Variants in ADGRL3 observed in about 807,000 individuals in gnomAD.
The protein encoded by ADGRL3 is calcium-independent alpha-latrotoxin receptor 3.
Under a neutral mutation model 153.5 loss-of-function variants are expected in ADGRL3, and 62 were observed. The ratio of observed to expected loss-of-function variants is 0.40; its 90% confidence interval spans 0.33 to 0.50. ADGRL3 has a LOEUF of 0.50. Among genes scored for constraint, ADGRL3 ranks in the 20% least tolerant of loss-of-function variants. The pLI is 0.47. For synonymous variants in ADGRL3, 710 were observed against 672.5 expected, an observed-to-expected ratio of 1.06 and a Z score of -0.86; for missense variants, 1,641 against 1,859.4, an observed-to-expected ratio of 0.88 and a Z score of 2.16.
chr4:62,002,663 A>G (rs928485377), intron 21 of ADGRL3, among the ~76,000 whole-genome samples: 1 of 151,980 alleles, frequency 6.6e-6, no homozygotes, highest in African/African-American at 2.4e-5. Flanking sequence ...AAATTAAATA[A>G]TACATGCCTG....
chr4:61,632,470 T>G (rs2093225184), intron 5 of ADGRL3, among the ~76,000 whole-genome samples: 1 of 152,130 alleles, frequency 6.6e-6, no homozygotes, highest in Admixed American at 6.5e-5. Flanking sequence ...TACTTTCATT[T>G]TTTCTTCCCC....
chr4:61,350,320 C>T (rs2096014749), intron 1 of ADGRL3, among the ~76,000 whole-genome samples: 1 of 148,272 alleles, frequency 6.7e-6, no homozygotes, highest in East Asian at 2.0e-4. Context: ...AAACGTATGC[C>T]TCCCAAAAAC....
intron 6 of ADGRL3, among the ~76,000 whole-genome samples, chr4:61,712,438 T>G (rs2096013672): frequency 6.6e-6 from 1 of 152,020 alleles, no homozygotes; most frequent in Non-Finnish European, 1.5e-5. Flanking sequence ...AATCTACAAA[T>G]GTGAATTGAA....
At chr4:61,718,318 A>G (rs1011964039) in intron 6 of ADGRL3, among the ~76,000 whole-genome samples, 1 of 152,162 alleles carries the variant, frequency 6.6e-6, no homozygotes, top group Non-Finnish European at 1.5e-5. Flanking sequence ...AGCACCTGAG[A>G]TAGAAAACCC....
chr4:61,917,692 G>T (rs951519617), intron 13 of ADGRL3, among the ~76,000 whole-genome samples: 1 of 147,772 alleles, frequency 6.8e-6, no homozygotes, highest in African/African-American at 2.7e-5. Flanking sequence ...ATGGGATGGG[G>T]GGCAAGAAAG....
In ADGRL3 at chr4:61,587,285, C is replaced by T; in HGVS notation, c.318C>T (p.Ser106=). Residue 106 remains serine (S), a synonymous_variant, in exon 5 of 27, where the codon AGC becomes AGT. Transcript: ENST00000683033. Reference sequence around the variant, plus strand: ...TCCGCAGAGAGCTATCCTGTGAGAGCTATCCTATAGAGCTTCGCTGTCCAG... The same window carrying T: ...TCCGCAGAGAGCTATCCTGTGAGAGTTATCCTATAGAGCTTCGCTGTCCAG... ...AVVRRELSCE[S]YPIELRCPGT... 6.2e-7 allele frequency: 1 copy of T among 1,610,966 alleles called. No homozygotes were observed. The highest frequency in any genetic ancestry group is 8.5e-7 in the Non-Finnish European group (1 of 1,178,430).
At chr4:61,986,713 A>T (rs894546496) in intron 19 of ADGRL3, among the ~76,000 whole-genome samples, 1 of 152,200 alleles carries the variant, frequency 6.6e-6, no homozygotes, top group Non-Finnish European at 1.5e-5. Flanking sequence ...GATAGGGAAA[A>T]TTTCATTATT....
chr4:61,357,650 T>G (rs116323469), intron 1 of ADGRL3, among the ~76,000 whole-genome samples: 1,612 of 152,272 alleles, frequency 0.011, 26 homozygotes, highest in Middle Eastern at 0.034. Flanking sequence ...TCAATTTTTG[T>G]AGCAATTTCA....
At chr4:61,604,998 G>T (rs1215232303) in intron 5 of ADGRL3, among the ~76,000 whole-genome samples, 1 of 144,132 alleles carries the variant, frequency 6.9e-6, no homozygotes, top group Non-Finnish European at 1.5e-5. Context: ...GCTAAGGCAG[G>T]AGAATCACTT....
chr4:61,965,872 A>G (rs571090894), intron 17 of ADGRL3, among the ~76,000 whole-genome samples: 1 of 152,346 alleles, frequency 6.6e-6, no homozygotes, highest in East Asian at 1.9e-4. Flanking sequence ...AATGTAAATA[A>G]TACAATTTAA....
intron 1 of ADGRL3, among the ~76,000 whole-genome samples, chr4:61,334,686 C>CT (rs2095642026): frequency 6.6e-6 from 1 of 151,928 alleles, no homozygotes; most frequent in African/African-American, 2.4e-5. Flanking sequence ...ATGTTAATTG[C>CT]TTTTTTGGGT....
At chr4:61,998,948 T>TGA (rs1314573347) in intron 21 of ADGRL3, among the ~76,000 whole-genome samples, 1 of 152,084 alleles carries the variant, frequency 6.6e-6, no homozygotes, top group African/African-American at 2.4e-5. Context: ...AGCAATGTGA[T>TGA]GAGAGCCAGA....
At chr4:61,690,795 T>C (rs2095526688) in intron 6 of ADGRL3, among the ~76,000 whole-genome samples, 1 of 152,132 alleles carries the variant, frequency 6.6e-6, no homozygotes, top group Non-Finnish European at 1.5e-5. Flanking sequence ...ATAGAAACTT[T>C]TAATGGCAGT....
intron 9 of ADGRL3, among the ~76,000 whole-genome samples, chr4:61,869,523 G>A (rs537810462): frequency 2.4e-4 from 36 of 151,898 alleles, no homozygotes; most frequent in African/African-American, 8.2e-4. Flanking sequence ...GCGTGAACCC[G>A]GGAAGCGGAG....
At chr4:61,854,912 A>C (rs2149200903) in intron 9 of ADGRL3, among the ~76,000 whole-genome samples, 2 of 152,326 alleles carry the variant, frequency 1.3e-5, no homozygotes, top group Middle Eastern at 6.8e-3. Flanking sequence ...CCATGAGAAA[A>C]GGACATCAGA....
intron 4 of ADGRL3, among the ~76,000 whole-genome samples, chr4:61,517,897 A>C (rs567702312): frequency 3.9e-5 from 6 of 152,200 alleles, no homozygotes. Context: ...AATTTTCACC[A>C]ATGGAAACTA....
chr4:61,766,762 A>C (rs2096986591), intron 8 of ADGRL3, among the ~76,000 whole-genome samples: 1 of 151,432 alleles, frequency 6.6e-6, no homozygotes, highest in Admixed American at 6.6e-5. Context: ...GGTGCAAAGG[A>C]ATAGCAAAGA....
At chr4:61,332,809 T>G (rs181254110) in intron 1 of ADGRL3, among the ~76,000 whole-genome samples, 77 of 152,100 alleles carry the variant, frequency 5.1e-4, no homozygotes, top group African/African-American at 1.8e-3. Context: ...AGCTTGCATA[T>G]TCTGTCTTGA....
intron 17 of ADGRL3, among the ~76,000 whole-genome samples, chr4:61,952,722 T>A (rs2098951953): frequency 6.6e-6 from 1 of 152,182 alleles, no homozygotes; most frequent in Admixed American, 6.5e-5. Context: ...AGTAATAGAT[T>A]TAAATCTGGA....
Sources: gnomAD v4.1 joint callset for allele counts (sites outside exome capture counted in the v4.1 genomes callset) on GRCh38, gnomAD v4.1.1 for gene constraint, MANE v1.5 for transcripts, NCBI Gene and HGNC (gene_info 2026-07-23, HGNC 2026-07-21) for gene names.